C6: variants seen among roughly 807,000 people sequenced by gnomAD.
C6 encodes the protein complement component C6.
In C6, 101 loss-of-function variants were observed where a neutral mutation model predicts 112.9. That is an observed-to-expected ratio of 0.89 (90% CI 0.76 to 1.06). The LOEUF (loss-of-function observed/expected upper bound fraction) is 1.06, where lower values mean the gene tolerates loss of function less well. C6 is among the 50% of genes least tolerant of loss of function. The probability of loss-of-function intolerance (pLI) is 0.00; values close to 1 mark genes in which losing one functional copy is unlikely to be tolerated. For synonymous variants in C6, 431 were observed against 384.1 expected (o/e 1.12, Z -1.43); for missense variants, 1,202 against 1,104.6 (o/e 1.09, Z -1.25).
intron 1 of C6, among the ~76,000 whole-genome samples, chr5:41,223,748 G>A (rs762753246): frequency 3.9e-5 from 6 of 151,992 alleles, no homozygotes; most frequent in Non-Finnish European, 8.8e-5. Context: ...AGAAAAGCTG[G>A]CAACAGAAAC....
At chr5:41,260,061 T>TTATG (rs1470275477) in intron 1 of C6, among the ~76,000 whole-genome samples, 2 of 152,194 alleles carry the variant, frequency 1.3e-5, no homozygotes, top group African/African-American at 4.8e-5. Context: ...TATTATCCAG[T>TTATG]TATGGATAAT....
Position 41,160,248 on chromosome 5 carries a change from G to A in C6, c.1578C>T (p.Cys526=). The A allele has an allele frequency of 6.2e-7, 1 of 1,613,886 alleles. No homozygotes were observed. ...AGAGGGTGGGTCGGCCATTATTAGG[G>A]CATGGAGCACACTGGCAAGGATCGA... ...AKFDPCQCAP[C]PNNGRPTLSG... is the part of the protein sequence containing the mutation. The change falls in exon 11 of 18, where the codon TGC becomes TGT. Residue 526 remains cysteine (C), a synonymous_variant. Transcript: ENST00000337836.
chr5:41,249,487 C>T (rs2150436145), intron 1 of C6, among the ~76,000 whole-genome samples: 1 of 152,204 alleles, frequency 6.6e-6, no homozygotes, highest in South Asian at 2.1e-4. Context: ...TGTAGTAAAT[C>T]AACTTTAATT....
chr5:41,149,178 T>C (rs1051644430), intron 17 of C6, 63 bp downstream of exon 17: 10 of 1,571,526 alleles, frequency 6.4e-6, no homozygotes, highest in African/African-American at 1.3e-5. Context: ...TTAAGAAAGA[T>C]GATGTACTAG....
rs1454583185 is a variant in C6 at position 41,186,059 on chromosome 5, G to A, written c.726+11C>T. The A allele has an allele frequency of 1.2e-6, 2 of 1,613,868 alleles. No individual in the cohort carries two copies. The highest frequency in any genetic ancestry group is 2.2e-5 in the East Asian group (1 of 44,854). ...CGGTGTTGGAGTTGCCACCATGCTA[G>A]GCTGTCATACCTCAAAGCCGACATT... On this transcript the variant is annotated intron_variant, in intron 6 of 17. Coordinates refer to ENST00000337836, the MANE Select transcript of C6 (RefSeq NM_000065.5).
chr5:41,162,955 G>A lies in C6; in HGVS notation c.1292-1096C>T, dbSNP rs987257675. The stretch of plus-strand genomic sequence containing the variant: ...TCATGTACAGACTGACAGTGGCTTC[G>A]TCATGTTATTTCATATTTAGATTGA... On this transcript the variant is annotated intron_variant, in intron 9 of 17. Coordinates refer to ENST00000337836, the MANE Select transcript of C6 (RefSeq NM_000065.5). 6.6e-5 allele frequency among the ~76,000 whole-genome samples: 10 copies of A among 152,144 alleles called. 1 individual carries two copies. In the Middle Eastern group the frequency reaches 0.01, roughly 155 times the overall value.
In C6 at chr5:41,161,936, A is replaced by G. The variant is rs1747555797; in HGVS notation, c.1292-77T>C. On this transcript the variant is annotated intron_variant, in intron 9 of 17. Transcript: ENST00000337836. The stretch of plus-strand genomic sequence containing the variant: ...TTCTAAAACAAACAAACAAAAACCT[A>G]TTTGTACAGAAGGGAGAAGTAGATG... 2.0e-5 allele frequency: 28 copies of G among 1,418,734 alleles called. 1 individual carries two copies. The South Asian group carries it at 2.3e-4, about 12-fold the overall frequency. The allele number at this position is 1,418,734 out of a possible 1,614,324, so 87.9% of individuals were successfully genotyped here.
chr5:41,164,921 C>T (rs1313511820), intron 9 of C6, among the ~76,000 whole-genome samples: 1 of 152,114 alleles, frequency 6.6e-6, no homozygotes, highest in Non-Finnish European at 1.5e-5. Flanking sequence ...TGAGCACACC[C>T]ATATAATCAC....
At chr5:41,158,858 T>G in intron 12 of C6, 73 bp from the exon 13 acceptor site, 1 of 996,096 alleles carries the variant, frequency 1.0e-6, no homozygotes, top group South Asian at 1.3e-5. Context: ...TATGCTTATG[T>G]GTATACATGT....
chr5:41,181,244 T>C (rs1749313837), intron 7 of C6, 115 bp downstream of exon 7: 1 of 906,916 alleles, frequency 1.1e-6, no homozygotes, highest in South Asian at 1.5e-5. Context: ...TACTTAAATC[T>C]GTATTAGAAG....
At chr5:41,180,608 A>G (rs1580127818) in intron 7 of C6, among the ~76,000 whole-genome samples, 2 of 152,268 alleles carry the variant, frequency 1.3e-5, no homozygotes, top group East Asian at 3.9e-4. Context: ...AAAGAATTGT[A>G]ACTTTTCAAG....
At chr5:41,244,925 T>A (rs1382834024) in intron 1 of C6, among the ~76,000 whole-genome samples, 1 of 152,204 alleles carries the variant, frequency 6.6e-6, no homozygotes, top group Non-Finnish European at 1.5e-5. Context: ...TGGTCCTCAT[T>A]TTTTCAGTTA....
intron 1 of C6, among the ~76,000 whole-genome samples, chr5:41,246,705 T>C (rs1741042522): frequency 6.6e-6 from 1 of 152,214 alleles, no homozygotes; most frequent in South Asian, 2.1e-4. Flanking sequence ...CTTATGTGTT[T>C]ATACTGTTGT....
chr5:41,198,065 A>T (rs963768482), intron 4 of C6, among the ~76,000 whole-genome samples: 2 of 152,180 alleles, frequency 1.3e-5, no homozygotes, highest in Non-Finnish European at 2.9e-5. Context: ...TTATGCTTAA[A>T]ATTAGGACTC....
intron 13 of C6, among the ~76,000 whole-genome samples, chr5:41,158,189 T>C (rs1747101073): frequency 6.6e-6 from 1 of 151,852 alleles, no homozygotes; most frequent in Non-Finnish European, 1.5e-5. Context: ...AAACATGTTG[T>C]GGCTTGGTAA....
chr5:41,256,550 A>G (rs1165402080), intron 1 of C6, among the ~76,000 whole-genome samples: 1 of 151,426 alleles, frequency 6.6e-6, no homozygotes, highest in Non-Finnish European at 1.5e-5. Context: ...CTGAAATCAG[A>G]GGGCCCCACT....
At chr5:41,238,574 CA>C (rs1740479925) in intron 1 of C6, among the ~76,000 whole-genome samples, 1 of 152,100 alleles carries the variant, frequency 6.6e-6, no homozygotes, top group Non-Finnish European at 1.5e-5. Context: ...AGAGAAGAGA[CA>C]AAGGGTTCAG....
At chr5:41,179,265 G>A (rs1388045406) in intron 7 of C6, among the ~76,000 whole-genome samples, 2 of 152,168 alleles carry the variant, frequency 1.3e-5, no homozygotes, top group East Asian at 1.9e-4. Context: ...ACTATTAGGA[G>A]ATCAAACAAT....
rs1432520854 is a variant in C6, at chr5:41,176,716, C to G, written c.928-1G>C. ...TATGGATCCTAATAAAACTAGAATC[C>G]TAAATGGAAGAAAGAAGTAAAAAGA... On this transcript the variant is annotated splice_acceptor_variant, in intron 7 of 17. Transcript: ENST00000337836. LOFTEE classifies it high-confidence loss of function. 6.2e-7 allele frequency: 1 copy of G among 1,609,178 alleles called. No homozygotes were observed. Among genetic ancestry groups the G allele is most frequent in the Non-Finnish European group, 8.5e-7 (1 of 1,176,968 alleles).
Sources: allele counts gnomAD v4.1 joint callset (sites outside exome capture counted in the v4.1 genomes callset), GRCh38; gene constraint gnomAD v4.1.1; transcripts MANE v1.5; gene names NCBI Gene and HGNC (gene_info 2026-07-23, HGNC 2026-07-21).